Variants in NRXN1 observed in about 807,000 individuals in gnomAD.
NRXN1 encodes the protein neurexin-1.
NRXN1 carries 39 observed loss-of-function variants against 150.9 expected under a neutral mutation model. The ratio of observed to expected loss-of-function variants is 0.26; its 90% CI spans 0.20 to 0.34. The LOEUF is 0.34. Among genes scored for constraint, NRXN1 ranks in the 10% least tolerant of loss-of-function variants. The pLI, the probability that NRXN1 is intolerant of heterozygous loss-of-function variation, is 1.00. For missense variants in NRXN1, 1,815 were observed against 1,949.9 expected, an observed-to-expected ratio of 0.93 and a Z score of 1.30; for synonymous variants, 924 against 757.0, an observed-to-expected ratio of 1.22 and a Z score of -3.62.
intron 17 of NRXN1, among the ~76,000 whole-genome samples, chr2:50,403,396 C>G (rs1051006476): frequency 6.6e-6 from 1 of 152,064 alleles, no homozygotes; most frequent in Non-Finnish European, 1.5e-5. Context: ...CCTACTAAAT[C>G]AGAATCTGCA....
Position 50,627,253 on chromosome 2 carries a change from C to G in NRXN1, c.833-3638G>C, listed in dbSNP as rs13410677. Among the ~76,000 whole-genome samples the G allele has an allele frequency of 5.6e-3, 843 of 151,556 alleles. 5 individuals are homozygous for G. The highest frequency in any genetic ancestry group is 0.019 in the African/African-American group (780 of 41,372). The stretch of plus-strand genomic sequence containing the variant: ...TCTCAGTCCTTAGAAAATAGTTAAC[C>G]AGGATCAGTTAACTAAACATTTGCC... On this transcript the variant is annotated intron_variant, in intron 5 of 22. Coordinates refer to ENST00000401669, the MANE Select transcript of NRXN1 (RefSeq NM_001330078.2).
intron 12 of NRXN1, among the ~76,000 whole-genome samples, chr2:50,518,705 T>C (rs1057278456): frequency 3.3e-5 from 5 of 151,992 alleles, no homozygotes; most frequent in Admixed American, 1.3e-4. Context: ...GTAATAGTTA[T>C]AGCATTTTTT....
At chr2:50,688,904 G>GT (rs1691649843) in intron 5 of NRXN1, among the ~76,000 whole-genome samples, 1 of 152,246 alleles carries the variant, frequency 6.6e-6, no homozygotes, top group Admixed American at 6.5e-5. Flanking sequence ...TGTCTTTCAG[G>GT]TTTTTTGTTG....
chr2:50,652,222 TA>T (rs1685745657), intron 5 of NRXN1, among the ~76,000 whole-genome samples: 1 of 152,082 alleles, frequency 6.6e-6, no homozygotes, highest in Non-Finnish European at 1.5e-5. Flanking sequence ...CCTCCTCCTT[TA>T]TATCTTTTCT....
intron 5 of NRXN1, among the ~76,000 whole-genome samples, chr2:50,806,655 G>A (rs1667552331): frequency 6.6e-6 from 1 of 152,032 alleles, no homozygotes; most frequent in South Asian, 2.1e-4. Context: ...TTAAAATTTA[G>A]TATACCAATG....
chr2:50,769,655 T>C (rs1702777087), intron 5 of NRXN1, among the ~76,000 whole-genome samples: 1 of 152,076 alleles, frequency 6.6e-6, no homozygotes, highest in African/African-American at 2.4e-5. Flanking sequence ...CTCACTAGGC[T>C]ACAAGGAAAT....
At chr2:50,406,933 G>A (rs748555158) in intron 17 of NRXN1, among the ~76,000 whole-genome samples, 56 of 152,130 alleles carry the variant, frequency 3.7e-4, no homozygotes, top group East Asian at 7.7e-4. Context: ...TGATCATCCT[G>A]GGAAACAGAA....
chr2:50,008,281 A>G (rs1209027670), intron 21 of NRXN1, among the ~76,000 whole-genome samples: 1 of 152,106 alleles, frequency 6.6e-6, no homozygotes, highest in South Asian at 2.1e-4. Context: ...TGAACAGAAC[A>G]CTAGAGAACT....
chr2:50,596,925 G>A (rs1675330759), intron 8 of NRXN1, among the ~76,000 whole-genome samples: 1 of 127,606 alleles, frequency 7.8e-6, no homozygotes, highest in Non-Finnish European at 1.6e-5. Flanking sequence ...GGATTACTGT[G>A]GCACGATCAC....
At chr2:50,282,372 T>C (rs2071573849) in intron 17 of NRXN1, among the ~76,000 whole-genome samples, 1 of 152,192 alleles carries the variant, frequency 6.6e-6, no homozygotes, top group Non-Finnish European at 1.5e-5. Flanking sequence ...GATATTACAG[T>C]TGACCCTTGA....
At position 50,051,359 on chromosome 2, in the gene NRXN1, T is replaced by A. The variant is rs148061658; in HGVS notation, c.4128+1912A>T. Among the ~76,000 whole-genome samples, 698 of 152,146 alleles carry A rather than the reference T, an allele frequency of 4.6e-3. 6 individuals are homozygous for A. Among genetic ancestry groups the A allele is most frequent in the African/African-American group, 0.016 (663 of 41,564 alleles). ...TATATAGGAGATTTGGCAACTGTAA[T>A]CTCATTAATGATAAAACAAGACTAC... is the stretch of plus-strand genomic sequence containing the variant. On this transcript the variant is annotated intron_variant, in intron 21 of 22. Transcript: ENST00000401669.
chr2:50,792,936 G>A (rs192358138), intron 5 of NRXN1, among the ~76,000 whole-genome samples: 1 of 152,114 alleles, frequency 6.6e-6, no homozygotes, highest in East Asian at 1.9e-4. Flanking sequence ...TGATATTACT[G>A]GTTCTAATGT....
At chr2:50,829,650 C>A (rs1056069667) in intron 5 of NRXN1, 6 of 1,611,690 alleles carry the variant, frequency 3.7e-6, no homozygotes, top group African/African-American at 2.7e-5. Flanking sequence ...CAGGTTGGTA[C>A]GGGACGGCAT....
At chr2:50,706,385 AG>A (rs1443300251) in intron 5 of NRXN1, among the ~76,000 whole-genome samples, 1 of 152,184 alleles carries the variant, frequency 6.6e-6, no homozygotes, top group Non-Finnish European at 1.5e-5. Flanking sequence ...TTTATACAAC[AG>A]GTTAGCAAAT....
At chr2:50,356,033 T>A (rs959466798) in intron 17 of NRXN1, among the ~76,000 whole-genome samples, 1 of 152,098 alleles carries the variant, frequency 6.6e-6, no homozygotes, top group Non-Finnish European at 1.5e-5. Flanking sequence ...CCTACTCATG[T>A]TATAAACAGA....
intron 19 of NRXN1, among the ~76,000 whole-genome samples, chr2:50,064,874 A>G (rs1695126410): frequency 6.6e-6 from 1 of 152,188 alleles, no homozygotes. Context: ...ACATGAGGGC[A>G]GAGGGCTTCT....
chr2:50,932,604 A>G (rs1480905786), intron 2 of NRXN1, among the ~76,000 whole-genome samples: 1 of 152,086 alleles, frequency 6.6e-6, no homozygotes, highest in African/African-American at 2.4e-5. Flanking sequence ...GGAGTAAGGG[A>G]TACAAGATAC....
chr2:50,800,946 T>G (rs1193351530), intron 5 of NRXN1, among the ~76,000 whole-genome samples: 1 of 152,232 alleles, frequency 6.6e-6, no homozygotes, highest in Non-Finnish European at 1.5e-5. Flanking sequence ...CATTTTATAG[T>G]AAACTTTATT....
chr2:50,631,453 A>G, intron 5 of NRXN1: 1 of 168,004 alleles, frequency 6.0e-6, no homozygotes, highest in Non-Finnish European at 1.3e-5. Flanking sequence ...AGGGCCCAAC[A>G]GACAAAACTA....
Sources: gnomAD v4.1 joint callset for allele counts (sites outside exome capture counted in the v4.1 genomes callset) on GRCh38, gnomAD v4.1.1 for gene constraint, MANE v1.5 for transcripts, NCBI Gene and HGNC (gene_info 2026-07-23, HGNC 2026-07-21) for gene names.